The following FAM86B2 variants were observed in gnomAD, a reference collection of about 807,000 sequenced individuals.
FAM86B2 encodes family with sequence similarity 86 member B2.
FAM86B2 carries 1 observed loss-of-function variant against 26.5 expected under a neutral mutation model. The observed-to-expected ratio is 0.04, with a 90% CI of 0.01 to 0.18. The LOEUF (loss-of-function observed/expected upper bound fraction) is 0.18, where lower values mean the gene tolerates loss of function less well. FAM86B2 is among the 10% of genes least tolerant of loss of function. The pLI is 1.00. For missense variants in FAM86B2, 43 were observed against 303.5 expected (o/e 0.14, Z 6.38); for synonymous variants, 11 against 127.8 (o/e 0.09, Z 6.17).
chr8:12,427,636 C>T lies in FAM86B2; in HGVS notation c.892+21G>A, dbSNP rs759732681. Reference sequence around the variant, plus strand: ...GGACAGCTCGGGCACCATGTAGGCCCGGGTGGGCGTGGGGGTTCACCTAGC... The same window carrying T: ...GGACAGCTCGGGCACCATGTAGGCCTGGGTGGGCGTGGGGGTTCACCTAGC... On this transcript the variant is annotated intron_variant, in intron 7 of 7. Coordinates refer to ENST00000262365, the MANE Select transcript of FAM86B2 (RefSeq NM_001137610.3). The T allele has an allele frequency of 1.2e-5, 13 of 1,081,970 alleles. 4 individuals carry two copies. Among genetic ancestry groups the T allele is most frequent in the South Asian group, 3.0e-5 (2 of 67,464 alleles). 67.0% of individuals were successfully genotyped at this position (1,081,970 alleles called of 1,614,324 possible). A position where few individuals can be genotyped will look rare whatever the true frequency, so the allele number is the denominator to read the frequency against.
At chr8:12,434,930 A>C (rs1585379394) in intron 1 of FAM86B2, among the ~76,000 whole-genome samples, 1 of 151,772 alleles carries the variant, frequency 6.6e-6, no homozygotes, top group Non-Finnish European at 1.5e-5. Flanking sequence ...AGCCACTCTC[A>C]TCTGGTCTTT....
intron 1 of FAM86B2, among the ~76,000 whole-genome samples, chr8:12,434,941 T>G (rs1798537987): frequency 1.3e-5 from 2 of 151,844 alleles, no homozygotes; most frequent in African/African-American, 4.9e-5. Flanking sequence ...TCTGGTCTTT[T>G]CTTGTTTATT....
Position 12,426,084 on chromosome 8 carries a change from G to T in FAM86B2, c.893-95C>A. 6.9e-6 allele frequency: 2 copies of T among 288,024 alleles called. 1 individual carries two copies. 17.8% of individuals were successfully genotyped at this position (288,024 alleles called of 1,614,324 possible). The stretch of plus-strand genomic sequence containing the variant: ...GCTAGGACAGGCCTGGCGGGGTGGG[G>T]GGTGTCTAAGTCAGTTTACTTGGTT... On this transcript the variant is annotated intron_variant, in intron 7 of 7. Transcript: ENST00000262365.
In FAM86B2 at chr8:12,428,881, C is replaced by T. The variant is rs1162581838; in HGVS notation, c.494G>A (p.Gly165Asp). ...AAGGCCTGTGAGGCCGGCACCACTG[C>T]CAAGCTCTAGGACAGTCCTGGCGGG... The part of the protein sequence containing the change: ...AFINRTVLEL[G>D]SGAGLTGLAI... The change falls in exon 6 of 8, where the codon GGC becomes GAC. Residue 165 changes from glycine to aspartate, a missense_variant. Coordinates refer to ENST00000262365, the MANE Select transcript of FAM86B2 (RefSeq NM_001137610.3). The T allele has an allele frequency of 5.7e-5, 55 of 958,618 alleles. 4 individuals are homozygous for T. Among genetic ancestry groups the T allele is most frequent in the Non-Finnish European group, 7.6e-5 (53 of 695,904 alleles). 59.4% of individuals were successfully genotyped at this position (958,618 alleles called of 1,614,324 possible).
At chr8:12,428,334 G>A (rs1178648635) in intron 6 of FAM86B2, among the ~76,000 whole-genome samples, 1 of 151,060 alleles carries the variant, frequency 6.6e-6, no homozygotes, top group Non-Finnish European at 1.5e-5. Flanking sequence ...CCTCGTACCA[G>A]AAGTGGTTGT....
intron 2 of FAM86B2, among the ~76,000 whole-genome samples, chr8:12,432,866 T>C (rs1374050737): frequency 6.6e-6 from 1 of 151,310 alleles, no homozygotes; most frequent in Non-Finnish European, 1.5e-5. Context: ...TGCTGGTTTT[T>C]CATTTGTTCT....
chr8:12,433,899 GC>G (rs1218565834), intron 2 of FAM86B2, among the ~76,000 whole-genome samples, 152 bp downstream of exon 2: 1 of 81,684 alleles, frequency 1.2e-5, no homozygotes, highest in African/African-American at 3.1e-5. Context: ...TGTCGGAGGT[GC>G]TGACACCCTT....
In FAM86B2 at chr8:12,435,841, A is replaced by G. The variant is rs572120723; in HGVS notation, c.96+407T>C. Among the ~76,000 whole-genome samples the G allele has an allele frequency of 4.4e-4, 61 of 140,182 alleles. 3 individuals carry two copies. The highest frequency in any genetic ancestry group is 1.4e-3 in the African/African-American group (55 of 38,542). The allele number at this position is 140,182 out of a possible 152,430, so 92.0% of individuals were successfully genotyped here. On this transcript the variant is annotated intron_variant, in intron 1 of 7. Transcript: ENST00000262365. ...AGATGAGAACACTGAGGCACGAGGG[A>G]CAGCCTGTGACCTGGTCACCACGCT...
intron 1 of FAM86B2, among the ~76,000 whole-genome samples, chr8:12,434,954 T>C (rs1798539134): frequency 1.3e-5 from 2 of 151,724 alleles, no homozygotes; most frequent in East Asian, 3.8e-4. Context: ...TGTTTATTCA[T>C]TTATTCTCTG....
intron 2 of FAM86B2, 99 bp downstream of exon 2, chr8:12,433,952 GT>G: frequency 7.0e-7 from 1 of 1,438,660 alleles, no homozygotes; most frequent in Non-Finnish European, 9.5e-7. Context: ...GAAGAGGGCT[GT>G]TTTTAAAGGG....
At chr8:12,426,313 C>G (rs1280737326) in intron 7 of FAM86B2, among the ~76,000 whole-genome samples, 5 of 139,734 alleles carry the variant, frequency 3.6e-5, no homozygotes, top group Admixed American at 1.4e-4. Context: ...TCACTCTTCA[C>G]AAAGCTTAGA....
intron 2 of FAM86B2, among the ~76,000 whole-genome samples, chr8:12,432,893 C>G (rs1202721669): frequency 2.6e-5 from 4 of 150,952 alleles, no homozygotes; most frequent in Non-Finnish European, 4.4e-5. Context: ...GAGTCTCGCT[C>G]TGTTGCCCAG....
At chr8:12,436,114 C>T (rs1393769069) in intron 1 of FAM86B2, 134 bp downstream of exon 1, 1 of 619,068 alleles carries the variant, frequency 1.6e-6, no homozygotes, top group Non-Finnish European at 2.8e-6. Context: ...GGGACCGGGT[C>T]TCGCGGCCCT....
chr8:12,428,290 C>G (rs1261221935), intron 6 of FAM86B2, among the ~76,000 whole-genome samples: 18 of 146,800 alleles, frequency 1.2e-4, no homozygotes, highest in African/African-American at 4.5e-4. Flanking sequence ...TTTCGGTGGC[C>G]CAGCCAAACA....
rs1468612365 is a variant in FAM86B2, at chr8:12,431,534, ATAT to A, written c.240+545_240+547del. 8.0e-5 allele frequency among the ~76,000 whole-genome samples: 6 copies of A among 75,008 alleles called. 1 individual carries two copies. Among genetic ancestry groups the A allele is most frequent in the African/African-American group, 3.5e-4 (5 of 14,226 alleles). 49.2% of individuals were successfully genotyped at this position (75,008 alleles called of 152,430 possible). A position where few individuals can be genotyped will look rare whatever the true frequency, so the allele number is the denominator to read the frequency against. ...AGTGAGACTCTGTCTCAAAAAAAAT[ATAT>A]AAATAAATAAATAAATAAATAAATA... On this transcript the variant is annotated intron_variant, in intron 3 of 7. Coordinates refer to ENST00000262365, the MANE Select transcript of FAM86B2 (RefSeq NM_001137610.3).
At chr8:12,435,503 C>G (rs556108839) in intron 1 of FAM86B2, among the ~76,000 whole-genome samples, 1 of 134,586 alleles carries the variant, frequency 7.4e-6, no homozygotes, top group South Asian at 2.5e-4. Flanking sequence ...CAGAAATGAT[C>G]TCTGAGTGCT....
chr8:12,428,169 G>C (rs1398167591), intron 6 of FAM86B2, among the ~76,000 whole-genome samples: 3 of 133,302 alleles, frequency 2.3e-5, no homozygotes, highest in East Asian at 2.3e-4. Context: ...GGGTGGGCCT[G>C]TGTCCCTGGC....
chr8:12,435,806 C>T (rs1798617222), intron 1 of FAM86B2, among the ~76,000 whole-genome samples: 1 of 140,084 alleles, frequency 7.1e-6, no homozygotes, highest in Admixed American at 7.0e-5. Context: ...CTGTGCAGTG[C>T]TCGACATACA....
At chr8:12,430,716 T>A (rs199967041) in intron 3 of FAM86B2, among the ~76,000 whole-genome samples, 1,213 of 41,894 alleles carry the variant, frequency 0.029, 3 homozygotes, top group African/African-American at 0.04. Context: ...AAAAAAAAAT[T>A]ATTCCACTTG....
Sources: allele counts gnomAD v4.1 joint callset (sites outside exome capture counted in the v4.1 genomes callset), GRCh38; gene constraint gnomAD v4.1.1; transcripts MANE v1.5; gene names NCBI Gene and HGNC (gene_info 2026-07-23, HGNC 2026-07-21).